OTOGL: variants seen among roughly 807,000 people sequenced by gnomAD.
The protein encoded by OTOGL is otogelin like.
Under a neutral mutation model 318.5 loss-of-function variants are expected in OTOGL, and 285 were observed. The observed-to-expected ratio is 0.89, with a 90% CI of 0.81 to 0.99. OTOGL has a LOEUF of 0.99. Among genes scored for constraint, OTOGL ranks in the 50% least tolerant of loss-of-function variants. The pLI, the probability that OTOGL is intolerant of heterozygous loss-of-function variation, is 0.00. For synonymous variants in OTOGL, 987 were observed against 936.5 expected (o/e 1.05, Z -0.99); for missense variants, 2,899 against 2,845.6 (o/e 1.02, Z -0.43).
chr12:80,252,599 C>G (rs1042897381), intron 13 of OTOGL, among the ~76,000 whole-genome samples: 7 of 152,024 alleles, frequency 4.6e-5, no homozygotes, highest in African/African-American at 1.7e-4. Context: ...AGTAACTTAG[C>G]AAGTGAGAGA....
intron 1 of OTOGL, among the ~76,000 whole-genome samples, chr12:80,130,597 G>A (rs527320017): frequency 6.6e-6 from 1 of 152,292 alleles, no homozygotes; most frequent in South Asian, 2.1e-4. Flanking sequence ...ACTAGAGAGG[G>A]TGTGGGGATG....
chr12:80,162,761 A>C (rs1873596863), intron 1 of OTOGL, among the ~76,000 whole-genome samples: 1 of 152,068 alleles, frequency 6.6e-6, no homozygotes, highest in Admixed American at 6.6e-5. Flanking sequence ...AGGTCTGTAA[A>C]GACTATACCT....
At position 80,209,639 on chromosome 12, in the gene OTOGL, A is replaced by G. The variant is rs1244909; in HGVS notation, c.79+129A>G. Reference sequence around the variant, plus strand: ...ATGAATTGTACTAAATGATACTCAGATCACCTTTTAAAAAATTCTTAATAA... The same window carrying G: ...ATGAATTGTACTAAATGATACTCAGGTCACCTTTTAAAAAATTCTTAATAA... On this transcript the variant is annotated intron_variant, in intron 2 of 58. Coordinates refer to ENST00000547103, the MANE Select transcript of OTOGL (RefSeq NM_001378609.3). 0.015 allele frequency: 7,520 copies of G among 490,608 alleles called. 470 individuals carry two copies. Among genetic ancestry groups the G allele is most frequent in the African/African-American group, 0.13 (6,728 of 51,324 alleles). 30.4% of individuals were successfully genotyped at this position (490,608 alleles called of 1,614,324 possible).
intron 1 of OTOGL, among the ~76,000 whole-genome samples, chr12:80,164,691 T>C (rs1483026530): frequency 2.6e-5 from 4 of 152,126 alleles, no homozygotes; most frequent in Admixed American, 2.6e-4. Flanking sequence ...CCCTGTTCAG[T>C]GAGACTGTCA....
At chr12:80,286,311 C>T (rs1024406912) in intron 26 of OTOGL, among the ~76,000 whole-genome samples, 7 of 152,096 alleles carry the variant, frequency 4.6e-5, no homozygotes, top group African/African-American at 7.2e-5. Flanking sequence ...TGATGTACAT[C>T]GGGGATGTTG....
At chr12:80,307,991 C>G (rs1446644069) in intron 29 of OTOGL, among the ~76,000 whole-genome samples, 1 of 137,202 alleles carries the variant, frequency 7.3e-6, no homozygotes. Context: ...CCAGTAGGGG[C>G]GGCCGGGCAG....
At chr12:80,338,141 G>C (rs560594654) in intron 42 of OTOGL, among the ~76,000 whole-genome samples, 3 of 152,044 alleles carry the variant, frequency 2.0e-5, no homozygotes, top group Non-Finnish European at 2.9e-5. Flanking sequence ...TTATACTTGT[G>C]CATGATTTGC....
intron 1 of OTOGL, among the ~76,000 whole-genome samples, chr12:80,168,422 A>G (rs984317386): frequency 9.9e-5 from 15 of 152,150 alleles, no homozygotes; most frequent in African/African-American, 3.6e-4. Context: ...GTCATATTTC[A>G]TTATTTAAAT....
intron 26 of OTOGL, among the ~76,000 whole-genome samples, chr12:80,291,965 T>TTCTTTTTC (rs1885071270): frequency 6.6e-6 from 1 of 152,036 alleles, no homozygotes; most frequent in South Asian, 2.1e-4. Flanking sequence ...TTTTCTTTTT[T>TTCTTTTTC]TTCTTTTTCT....
At chr12:80,127,386 T>C (rs1870921139) in intron 1 of OTOGL, among the ~76,000 whole-genome samples, 1 of 152,260 alleles carries the variant, frequency 6.6e-6, no homozygotes, top group Non-Finnish European at 1.5e-5. Context: ...CTCTTCTGTC[T>C]TGTAGAGTTT....
chr12:80,177,898 C>A (rs1280173566), intron 1 of OTOGL, among the ~76,000 whole-genome samples: 4 of 152,044 alleles, frequency 2.6e-5, no homozygotes, highest in Non-Finnish European at 5.9e-5. Flanking sequence ...TAATACTCTT[C>A]TGAATATTCC....
In OTOGL at chr12:80,339,546, GC is replaced by G. The variant is rs1310999362; in HGVS notation, c.5050+283del. On this transcript the variant is annotated intron_variant, in intron 43 of 58. Transcript: ENST00000547103. ...ATTTCCACTAGCTCATCTTTATTAG[GC>G]ATTAATGAAGCATCAGGCATTATTT... Among the ~76,000 whole-genome samples the G allele has an allele frequency of 9.9e-5, 15 of 151,500 alleles. 1 individual carries two copies.
At position 80,265,172 on chromosome 12, in the gene OTOGL, G is replaced by C; in HGVS notation, c.2186G>C (p.Gly729Ala). Residue 729 changes from glycine to alanine, a missense_variant, in exon 20 of 59, where the codon GGT (glycine) becomes GCT (alanine). Transcript: ENST00000547103. ...AHYAYLCGQHGVPIDFRTQIS... is the reference protein window; with the variant it reads ...AHYAYLCGQHAVPIDFRTQIS... Reference sequence around the variant, plus strand: ...TATGCCTACCTCTGCGGCCAGCACGGTGTTCCCATTGATTTCAGAACTCAG... The same window carrying C: ...TATGCCTACCTCTGCGGCCAGCACGCTGTTCCCATTGATTTCAGAACTCAG... The C allele has an allele frequency of 6.2e-7, 1 of 1,613,782 alleles. No homozygotes were observed. The highest frequency in any genetic ancestry group is 8.5e-7 in the Non-Finnish European group (1 of 1,179,838).
At chr12:80,136,309 A>C (rs1369332590) in intron 1 of OTOGL, among the ~76,000 whole-genome samples, 1 of 152,164 alleles carries the variant, frequency 6.6e-6, no homozygotes, top group African/African-American at 2.4e-5. Flanking sequence ...TTCAATTCTT[A>C]GTCCTCATTT....
chr12:80,135,983 C>T (rs1223949018), intron 1 of OTOGL, among the ~76,000 whole-genome samples: 1 of 152,190 alleles, frequency 6.6e-6, no homozygotes, highest in Non-Finnish European at 1.5e-5. Flanking sequence ...ATTGGCTGTG[C>T]AGATTTTGAG....
Position 80,253,487 on chromosome 12 carries a change from C to T in OTOGL, c.1307C>T (p.Thr436Ile), listed in dbSNP as rs1193460877. The T allele has an allele frequency of 6.2e-7, 1 of 1,613,082 alleles. No homozygotes were observed. The highest frequency in any genetic ancestry group is 8.5e-7 in the Non-Finnish European group (1 of 1,179,220). Reference sequence around the variant, plus strand: ...TTAGGCCTCGTAATGGACAATGGGACTTGCATCTCCTTGGAAAATTGCCCA... The same window carrying T: ...TTAGGCCTCGTAATGGACAATGGGATTTGCATCTCCTTGGAAAATTGCCCA... Reference protein sequence around the residue: ...CPDGLVMDNGTCISLENCPCG... With the variant: ...CPDGLVMDNGICISLENCPCG... The change falls in exon 14 of 59, where the codon ACT (threonine) becomes ATT (isoleucine). Residue 436 changes from threonine to isoleucine, a missense_variant. By Grantham distance (89) the Thr-to-Ile change is moderately conservative. This residue lies in a region of OTOGL where 2,607 missense variants were observed against 2,524.9 expected (regional missense o/e 1.03). Transcript: ENST00000547103.
chr12:80,240,575 A>G (rs1239413530), intron 11 of OTOGL, among the ~76,000 whole-genome samples: 1 of 152,112 alleles, frequency 6.6e-6, no homozygotes, highest in Non-Finnish European at 1.5e-5. Flanking sequence ...GTCTGTAACA[A>G]TGGAAAATGA....
intron 36 of OTOGL, 48 bp downstream of exon 36, chr12:80,328,792 A>C (rs371129462): frequency 6.0e-6 from 9 of 1,492,152 alleles, no homozygotes; most frequent in East Asian, 2.3e-5. Flanking sequence ...ATACGCTTGC[A>C]TATGTTTTTT....
chr12:80,357,269 A>T (rs1411062116), intron 49 of OTOGL, among the ~76,000 whole-genome samples: 2 of 152,198 alleles, frequency 1.3e-5, no homozygotes, highest in African/African-American at 4.8e-5. Flanking sequence ...GGACGTCTTT[A>T]AAACTTCATG....
Sources: allele counts gnomAD v4.1 joint callset (sites outside exome capture counted in the v4.1 genomes callset), GRCh38; gene constraint gnomAD v4.1.1; regional missense constraint gnomAD v4.1.1; transcripts MANE v1.5; gene names NCBI Gene and HGNC (gene_info 2026-07-23, HGNC 2026-07-21).